The following TXNDC11 variants were observed in gnomAD, a reference collection of about 807,000 sequenced individuals.
TXNDC11 encodes the protein thioredoxin domain-containing protein 11.
Under a neutral mutation model 78.0 loss-of-function variants are expected in TXNDC11, and 68 were observed. The ratio of observed to expected loss-of-function variants is 0.87; its 90% confidence interval spans 0.72 to 1.07. TXNDC11 has a LOEUF of 1.07. Ranked by LOEUF, TXNDC11 falls within the 50% of genes least tolerant of loss-of-function variation. TXNDC11 has a pLI of 0.00. For synonymous variants in TXNDC11, 571 were observed against 495.2 expected, an observed-to-expected ratio of 1.15 and a Z score of -2.03; for missense variants, 1,389 against 1,221.8, an observed-to-expected ratio of 1.14 and a Z score of -2.04.
At chr16:11,712,483 C>T (rs2051391351) in intron 5 of TXNDC11, among the ~76,000 whole-genome samples, 1 of 152,334 alleles carries the variant, frequency 6.6e-6, no homozygotes, top group South Asian at 2.1e-4. Context: ...CTTGGCCACA[C>T]TGGCTGGTGG....
chr16:11,737,851 CAAAAAAAAAAAA>C (rs538318388), intron 1 of TXNDC11, among the ~76,000 whole-genome samples: 5 of 54,182 alleles, frequency 9.2e-5, no homozygotes, highest in Non-Finnish European at 1.8e-4. Flanking sequence ...CTACGTCTCT[CAAAAAAAAAAAA>C]AAAAAAAAAA....
chr16:11,736,508 C>T (rs1468460912), intron 1 of TXNDC11, among the ~76,000 whole-genome samples: 1 of 152,148 alleles, frequency 6.6e-6, no homozygotes, highest in East Asian at 1.9e-4. Flanking sequence ...TATTCCTGCT[C>T]CCCACATCCC....
chr16:11,698,457 T>C, intron 6 of TXNDC11, 132 bp from the exon 7 acceptor site: 2 of 722,058 alleles, frequency 2.8e-6, no homozygotes, highest in Non-Finnish European at 4.6e-6. Context: ...CTGGCCCCAC[T>C]GTGCAGCTAA....
At chr16:11,684,394 G>A (rs952131372) in intron 10 of TXNDC11, 149 bp from the exon 11 acceptor site, 5 of 599,830 alleles carry the variant, frequency 8.3e-6, no homozygotes, top group Admixed American at 5.9e-5. Flanking sequence ...TACCAGGTGT[G>A]AGCTGGGCGC....
intron 3 of TXNDC11, among the ~76,000 whole-genome samples, chr16:11,731,047 C>G (rs1579258): frequency 0.6 from 91,823 of 151,888 alleles, 28,512 homozygotes; most frequent in African/African-American, 0.72. Context: ...GGAACATTTA[C>G]TCTTATCTCT....
intron 5 of TXNDC11, among the ~76,000 whole-genome samples, chr16:11,701,532 G>C (rs2051026399): frequency 6.6e-6 from 1 of 152,090 alleles, no homozygotes; most frequent in South Asian, 2.1e-4. Context: ...GTATAGTTAA[G>C]AGGTCAAAAA....
intron 5 of TXNDC11, among the ~76,000 whole-genome samples, chr16:11,701,039 C>T (rs17606153): frequency 0.51 from 77,387 of 151,656 alleles, 20,565 homozygotes; most frequent in African/African-American, 0.61. Flanking sequence ...TCAGGTACTC[C>T]CTTTACCAAT....
At chr16:11,696,025 CAAA>C (rs36041908) in intron 7 of TXNDC11, among the ~76,000 whole-genome samples, 3 of 133,734 alleles carry the variant, frequency 2.2e-5, no homozygotes, top group Non-Finnish European at 1.6e-5. Context: ...GACCCTAACT[CAAA>C]AAAAAAAAAA....
At chr16:11,692,250 T>C (rs556703363) in intron 7 of TXNDC11, 168 bp from the exon 8 acceptor site, 40 of 621,536 alleles carry the variant, frequency 6.4e-5, no homozygotes, top group Non-Finnish European at 9.3e-5. Flanking sequence ...TTAAACTACA[T>C]GTCGCTCTGA....
At chr16:11,698,502 G>A (rs1260100906) in intron 6 of TXNDC11, among the ~76,000 whole-genome samples, 177 bp from the exon 7 acceptor site, 1 of 152,254 alleles carries the variant, frequency 6.6e-6, no homozygotes, top group African/African-American at 2.4e-5. Context: ...TTCCTCACAA[G>A]TGGTTGAAAA....
At position 11,691,469 on chromosome 16, in the gene TXNDC11, C is replaced by T; in HGVS notation, c.1721G>A (p.Cys574Tyr). Residue 574 changes from cysteine (C) to tyrosine (Y), a missense_variant, in exon 8 of 12, where the codon TGC (cysteine) becomes TAC (tyrosine). Transcript: ENST00000283033. Reference sequence around the variant, plus strand: ...GATGTTGAGAGTCTTGTTGGTTCTGCAGCTCAGGCCTGTGAAGTTTGTGCT... The same window carrying T: ...GATGTTGAGAGTCTTGTTGGTTCTGTAGCTCAGGCCTGTGAAGTTTGTGCT... ...MTSTNFTGLS[C>Y]RTNKTLNIYL... 6.2e-7 allele frequency: 1 copy of T among 1,614,210 alleles called. No individual in the cohort carries two copies. The highest frequency in any genetic ancestry group is 1.3e-5 in the African/African-American group (1 of 75,062).
intron 2 of TXNDC11, among the ~76,000 whole-genome samples, chr16:11,735,751 G>A (rs1207799734): frequency 1.3e-5 from 2 of 152,160 alleles, no homozygotes; most frequent in Non-Finnish European, 2.9e-5. Context: ...CTTTTTCAAT[G>A]CTGAAACCAA....
chr16:11,726,579 CAAAAAAAAA>C (rs35512803), intron 4 of TXNDC11, among the ~76,000 whole-genome samples: 2 of 83,000 alleles, frequency 2.4e-5, no homozygotes, highest in African/African-American at 4.8e-5. Flanking sequence ...GACTCCACCT[CAAAAAAAAA>C]AAAAAAAAAA....
intron 5 of TXNDC11, among the ~76,000 whole-genome samples, chr16:11,708,464 AC>A (rs2051246139): frequency 6.6e-6 from 1 of 152,216 alleles, no homozygotes. Flanking sequence ...ACTACAAAGT[AC>A]CCAAGGATAC....
rs1297089308 is a variant in TXNDC11 at position 11,691,632 on chromosome 16, T to C, written c.1558A>G (p.Ile520Val). ...RTISRGVSGF[I>V]DSEQGVFEAP... ...TCAAAGACACCTTGTTCAGAGTCGA[T>C]GAAGCCTGACACACCCCTGCTTATG... Residue 520 changes from isoleucine to valine, a missense_variant, in exon 8 of 12, where the codon ATC becomes GTC. Coordinates refer to ENST00000283033, the MANE Select transcript of TXNDC11 (RefSeq NM_015914.7). 6.2e-7 allele frequency: 1 copy of C among 1,614,190 alleles called. No individual in the cohort carries two copies. The highest frequency in any genetic ancestry group is 1.7e-5 in the Admixed American group (1 of 60,032).
At position 11,686,629 on chromosome 16, in the gene TXNDC11, A is replaced by C. The variant is rs551526715; in HGVS notation, c.2153+1228T>G. Among the ~76,000 whole-genome samples the C allele has an allele frequency of 4.4e-4, 67 of 152,326 alleles. 1 individual carries two copies. Among genetic ancestry groups the C allele is most frequent in the African/African-American group, 1.6e-3 (65 of 41,574 alleles). On this transcript the variant is annotated intron_variant, in intron 10 of 11. Coordinates refer to ENST00000283033, the MANE Select transcript of TXNDC11 (RefSeq NM_015914.7). ...TATCAACACAAGATTCTGTCACTTA[A>C]AACCACTGATTACTTTAATATGTTA...
chr16:11,724,206 C>T (rs1469300057), intron 4 of TXNDC11, among the ~76,000 whole-genome samples: 1 of 152,080 alleles, frequency 6.6e-6, no homozygotes, highest in Non-Finnish European at 1.5e-5. Flanking sequence ...TTGCTTGAAC[C>T]TGGGAGGTGG....
At chr16:11,722,924 C>T (rs1164780197) in intron 4 of TXNDC11, among the ~76,000 whole-genome samples, 1 of 152,154 alleles carries the variant, frequency 6.6e-6, no homozygotes, top group Non-Finnish European at 1.5e-5. Flanking sequence ...TTGTAAGATT[C>T]AACTGTAAAT....
chr16:11,689,658 A>G (rs1486824902), intron 8 of TXNDC11, among the ~76,000 whole-genome samples: 3 of 152,242 alleles, frequency 2.0e-5, no homozygotes, highest in Non-Finnish European at 4.4e-5. Context: ...CCTTAAATTC[A>G]AAGTGAACAC....
Sources: gnomAD v4.1 joint callset for allele counts (sites outside exome capture counted in the v4.1 genomes callset) on GRCh38, gnomAD v4.1.1 for gene constraint, MANE v1.5 for transcripts, NCBI Gene and HGNC (gene_info 2026-07-23, HGNC 2026-07-21) for gene names.